Variants in MFN2 observed in about 807,000 individuals in gnomAD.
MFN2 encodes mitofusin-2.
Under a neutral mutation model 87.5 loss-of-function variants are expected in MFN2, and 43 were observed. The ratio of observed to expected loss-of-function variants is 0.49; its 90% CI spans 0.38 to 0.63. The LOEUF is 0.63. MFN2 is among the 30% of genes least tolerant of loss of function. MFN2 has a pLI of 0.00. For missense variants in MFN2, 743 were observed against 972.8 expected (o/e 0.76, Z 3.14); for synonymous variants, 337 against 359.9 (o/e 0.94, Z 0.72).
chr1:12,008,481 C>T (rs886302629), intron 17 of MFN2, among the ~76,000 whole-genome samples: 1 of 149,934 alleles, frequency 6.7e-6, no homozygotes, highest in Admixed American at 6.6e-5. Context: ...GACCCCCCAC[C>T]TCCCGGACGG....
chr1:11,981,518 A>G (rs759466714), intron 1 of MFN2, among the ~76,000 whole-genome samples: 23 of 152,266 alleles, frequency 1.5e-4, no homozygotes, highest in Non-Finnish European at 3.2e-4. Flanking sequence ...AGCTTAGACA[A>G]ATCTTCAAGT....
At chr1:11,999,857 G>A (rs1310756874) in intron 8 of MFN2, among the ~76,000 whole-genome samples, 1 of 151,896 alleles carries the variant, frequency 6.6e-6, no homozygotes, top group Non-Finnish European at 1.5e-5. Context: ...CACTTTGGGA[G>A]GCCGATGTGG....
In MFN2 at chr1:11,996,093, C is replaced by T. The variant is rs189801177; in HGVS notation, c.312-63C>T. The T allele has an allele frequency of 8.0e-5, 128 of 1,604,716 alleles. No homozygotes were observed. In the East Asian group the frequency reaches 1.4e-3, roughly 17 times the overall value. ...CTTTGGCCTTCCAGGCTGGTATCTGCGTTGTGAAAGTAATTCAGGTCAGAT... is the reference window on the plus strand; with the variant it reads ...CTTTGGCCTTCCAGGCTGGTATCTGTGTTGTGAAAGTAATTCAGGTCAGAT... On this transcript the variant is annotated intron_variant, in intron 4 of 18. Coordinates refer to ENST00000235329, the MANE Select transcript of MFN2 (RefSeq NM_014874.4).
chr1:11,987,302 ACT>A (rs199899064), intron 2 of MFN2, among the ~76,000 whole-genome samples: 7,287 of 132,172 alleles, frequency 0.055, 218 homozygotes, highest in East Asian at 0.092. Context: ...CAAAAGTGAG[ACT>A]CTGTCTCAAA....
At chr1:11,987,591 C>T (rs1429269565) in intron 2 of MFN2, among the ~76,000 whole-genome samples, 2 of 142,740 alleles carry the variant, frequency 1.4e-5, no homozygotes, top group African/African-American at 2.7e-5. Flanking sequence ...GATCATGCCA[C>T]AGCACTCCAG....
In MFN2 at chr1:12,004,468, G is replaced by A; in HGVS notation, c.1288-41G>A. ...CCTGGTGCTGCAGGAGTGAACTTTG[G>A]TCTTCCTTGATACTTAACAGTGTGC... On this transcript the variant is annotated intron_variant, in intron 12 of 18. Coordinates refer to ENST00000235329, the MANE Select transcript of MFN2 (RefSeq NM_014874.4). This position sits in a 1 kb window ranked among gnomAD's most constrained non-coding sequence, Gnocchi z 4.2. 6.4e-7 allele frequency: 1 copy of A among 1,568,266 alleles called. No individual in the cohort carries two copies. The highest frequency in any genetic ancestry group is 1.1e-5 in the South Asian group (1 of 90,106).
At chr1:12,005,118 G>A (rs770671221) in intron 14 of MFN2, among the ~76,000 whole-genome samples, 191 bp downstream of exon 14, 3 of 152,194 alleles carry the variant, frequency 2.0e-5, no homozygotes, top group Non-Finnish European at 4.4e-5. Flanking sequence ...GTCGCACTCC[G>A]TAACCCAGGC....
intron 2 of MFN2, among the ~76,000 whole-genome samples, chr1:11,985,382 C>A (rs2100790867): frequency 6.7e-6 from 1 of 148,626 alleles, no homozygotes; most frequent in South Asian, 2.2e-4. Flanking sequence ...AATGTAGTCA[C>A]AATTTGAACC....
rs1322967058 is a variant in MFN2, at chr1:12,007,153, A to G, written c.1973A>G (p.Glu658Gly). ...CTGACCTGGACCACCAAGGCCAAGGAGAGGGCCTTCAAGCGCCAGTTTGTG... is the reference window on the plus strand; with the variant it reads ...CTGACCTGGACCACCAAGGCCAAGGGGAGGGCCTTCAAGCGCCAGTTTGTG... Reference protein sequence around the residue: ...ERLTWTTKAKERAFKRQFVEH... With the variant: ...ERLTWTTKAKGRAFKRQFVEH... The change falls in exon 17 of 19, where the codon GAG (glutamate) becomes GGG (glycine). Residue 658 changes from glutamate to glycine, a missense_variant. Glu to Gly is a moderately conservative substitution (Grantham distance 98). Transcript: ENST00000235329. 1 of 1,614,170 alleles carries G rather than the reference A, an allele frequency of 6.2e-7. No individual in the cohort carries two copies. The highest frequency in any genetic ancestry group is 1.3e-5 in the African/African-American group (1 of 75,066).
At position 12,004,497 on chromosome 1, in the gene MFN2, C is replaced by T; in HGVS notation, c.1288-12C>T. 6.2e-7 allele frequency: 1 copy of T among 1,613,078 alleles called. No homozygotes were observed. Among genetic ancestry groups the T allele is most frequent in the South Asian group, 1.1e-5 (1 of 91,040 alleles). ...TCCTTGATACTTAACAGTGTGCTTC[C>T]TTTTGCTGTAGGTGTCGACTGCAAT... On this transcript the variant is annotated splice_polypyrimidine_tract_variant and intron_variant, in intron 12 of 18. Transcript: ENST00000235329. The surrounding 1 kb of genome is among the most constrained non-coding windows in gnomAD (Gnocchi z 4.2).
At chr1:11,998,062 T>G (rs1258372516) in intron 6 of MFN2, among the ~76,000 whole-genome samples, 2 of 151,182 alleles carry the variant, frequency 1.3e-5, no homozygotes, top group African/African-American at 4.9e-5. Context: ...TTTTGTATTT[T>G]TAGTAGAGAC....
rs1180919978 is a variant in MFN2 at position 12,006,410 on chromosome 1, CT to C, written c.1717-123del. ...TGCTACATCTGAAGCTAGTTGTCCC[CT>C]TTTTGCCTTTTGGAAATTGAAGAGC... is the stretch of plus-strand genomic sequence containing the variant. On this transcript the variant is annotated intron_variant, in intron 15 of 18. Transcript: ENST00000235329. 1.0e-5 allele frequency: 13 copies of C among 1,264,470 alleles called. 1 individual carries two copies. In the East Asian group the frequency reaches 3.2e-4, roughly 31 times the overall value. 78.3% of individuals were successfully genotyped at this position (1,264,470 alleles called of 1,614,324 possible). A position where few individuals can be genotyped will look rare whatever the true frequency, so the allele number is the denominator to read the frequency against.
At position 12,007,256 on chromosome 1, in the gene MFN2, G is replaced by A; in HGVS notation, c.2069+7G>A. 1 of 1,613,398 alleles carries A rather than the reference G, an allele frequency of 6.2e-7. No homozygotes were observed. The highest frequency in any genetic ancestry group is 8.5e-7 in the Non-Finnish European group (1 of 1,179,756). On this transcript the variant is annotated splice_region_variant and intron_variant, in intron 17 of 18. Coordinates refer to ENST00000235329, the MANE Select transcript of MFN2 (RefSeq NM_014874.4). ...GCAGCCACCAAGTCCAGCAGTGAGT[G>A]GCCCTGTCGGACCCCAGCAGGGGAC...
chr1:11,991,203 C>T (rs1001265371), intron 3 of MFN2, among the ~76,000 whole-genome samples: 8 of 152,202 alleles, frequency 5.3e-5, no homozygotes, highest in African/African-American at 7.2e-5. Context: ...GGTCTGCTCA[C>T]GTAGCAAACA....
In MFN2 at chr1:11,999,056, C is replaced by T; in HGVS notation, c.777C>T (p.Arg259=). Residue 259 remains arginine (R), a synonymous_variant, in exon 8 of 19, where the codon CGC becomes CGT. Coordinates refer to ENST00000235329, the MANE Select transcript of MFN2 (RefSeq NM_014874.4). ...SRPNIFILNN[R]WDASASEPEY... is the part of the protein sequence containing the mutation. ...CAAACATCTTCATCCTGAACAACCGCTGGGATGCATCTGCCTCAGAGCCCG... is the reference window on the plus strand; with the variant it reads ...CAAACATCTTCATCCTGAACAACCGTTGGGATGCATCTGCCTCAGAGCCCG... 6.2e-7 allele frequency: 1 copy of T among 1,614,216 alleles called. No individual in the cohort carries two copies. The highest frequency in any genetic ancestry group is 8.5e-7 in the Non-Finnish European group (1 of 1,180,034).
intron 3 of MFN2, among the ~76,000 whole-genome samples, chr1:11,990,472 G>A (rs942488020): frequency 2.6e-5 from 4 of 152,210 alleles, no homozygotes; most frequent in African/African-American, 9.7e-5. Context: ...AGATCAGGCC[G>A]CTCCCCTCTG....
Position 12,004,789 on chromosome 1 carries a change from G to A in MFN2, c.1393-36G>A. ...ATGTGGCCTGAAGGGAATTTTGATGGACATGCTTCTCTTAACTTCCCTCTT... is the reference window on the plus strand; with the variant it reads ...ATGTGGCCTGAAGGGAATTTTGATGAACATGCTTCTCTTAACTTCCCTCTT... On this transcript the variant is annotated intron_variant, in intron 13 of 18. Coordinates refer to ENST00000235329, the MANE Select transcript of MFN2 (RefSeq NM_014874.4). This position sits in a 1 kb window ranked among gnomAD's most constrained non-coding sequence, Gnocchi z 4.2. The A allele has an allele frequency of 6.3e-7, 1 of 1,598,496 alleles. No homozygotes were observed. Among genetic ancestry groups the A allele is most frequent in the East Asian group, 2.2e-5 (1 of 44,708 alleles).
intron 11 of MFN2, among the ~76,000 whole-genome samples, chr1:12,002,446 C>T (rs2100842562): frequency 6.6e-6 from 1 of 152,386 alleles, no homozygotes; most frequent in East Asian, 1.9e-4. Flanking sequence ...GTGATCTCAA[C>T]ACTTTGGGAG....
At chr1:12,005,589 T>C in intron 14 of MFN2, 122 bp from the exon 15 acceptor site, 1 of 1,048,490 alleles carries the variant, frequency 9.5e-7, no homozygotes, top group Non-Finnish European at 1.5e-6. Context: ...TGGGGTGTGG[T>C]TCCCAGGCAA....
Sources: allele counts gnomAD v4.1 joint callset (sites outside exome capture counted in the v4.1 genomes callset), GRCh38; gene constraint gnomAD v4.1.1; non-coding constraint Gnocchi (gnomAD v3.1); transcripts MANE v1.5; gene names NCBI Gene and HGNC (gene_info 2026-07-23, HGNC 2026-07-21).